Variants in MBTPS1 observed in about 807,000 individuals in gnomAD.
MBTPS1 encodes membrane-bound transcription factor site-1 protease.
MBTPS1 carries 94 observed loss-of-function variants against 127.8 expected under a neutral mutation model. That is an observed-to-expected ratio of 0.74 (90% CI 0.62 to 0.87). The LOEUF (loss-of-function observed/expected upper bound fraction) is 0.87, where lower values mean the gene tolerates loss of function less well. MBTPS1 is among the 40% of genes least tolerant of loss of function. The pLI is 0.00. For synonymous variants in MBTPS1, 632 were observed against 509.4 expected (o/e 1.24, Z -3.24); for missense variants, 1,636 against 1,353.2 (o/e 1.21, Z -3.28).
chr16:84,089,274 G>GT (rs1392863985), intron 8 of MBTPS1, among the ~76,000 whole-genome samples: 1 of 152,262 alleles, frequency 6.6e-6, no homozygotes, highest in Non-Finnish European at 1.5e-5. Flanking sequence ...GCCCACACCT[G>GT]TTTTTGCAAA....
intron 11 of MBTPS1, among the ~76,000 whole-genome samples, chr16:84,076,762 C>T (rs1046664979): frequency 1.3e-5 from 2 of 152,132 alleles, no homozygotes; most frequent in Non-Finnish European, 2.9e-5. Context: ...CACACAAGAG[C>T]AAATGGAAAC....
At chr16:84,077,364 T>C (rs1012936096) in intron 11 of MBTPS1, among the ~76,000 whole-genome samples, 3 of 151,576 alleles carry the variant, frequency 2.0e-5, no homozygotes, top group Admixed American at 6.6e-5. Context: ...AAAGTCTTTA[T>C]AATCAAAACA....
In MBTPS1 at chr16:84,099,139, G is replaced by A. The variant is rs377692604; in HGVS notation, c.335C>T (p.Ala112Val). Residue 112 changes from alanine (A) to valine (V), a missense_variant, in exon 3 of 23, where the codon GCG (alanine) becomes GTG (valine). Ala to Val is a moderately conservative substitution (Grantham distance 64). Transcript: ENST00000343411. ...EVIQIKEKQK[A>V]GLLTLEDHPN... The stretch of plus-strand genomic sequence containing the variant: ...ATGATCTTCAAGTGTTAGCAGCCCC[G>A]CTTTCTGTTTTTCTTTTATCTGAAT... The A allele has an allele frequency of 1.2e-5, 20 of 1,614,052 alleles. No individual in the cohort carries two copies. Among genetic ancestry groups the A allele is most frequent in the Admixed American group, 6.7e-5 (4 of 60,010 alleles).
At chr16:84,076,700 C>T (rs1416543849) in intron 11 of MBTPS1, among the ~76,000 whole-genome samples, 1 of 152,158 alleles carries the variant, frequency 6.6e-6, no homozygotes, top group Admixed American at 6.5e-5. Flanking sequence ...CTTAAACTTA[C>T]CAAGAAATGT....
At chr16:84,095,491 AG>A in intron 4 of MBTPS1, 110 bp downstream of exon 4, 1 of 1,162,774 alleles carries the variant, frequency 8.6e-7, no homozygotes, top group Non-Finnish European at 1.3e-6. Flanking sequence ...CTTTAGCACT[AG>A]GCAGTCCCGA....
In MBTPS1 at chr16:84,069,860, G is replaced by A. The variant is rs2085744469; in HGVS notation, c.1955+6C>T. ...GGAGGTGAAGTGCATCCTGTGAGGT[G>A]CTTACCAGTCTAAAGGGTCATTCTT... On this transcript the variant is annotated splice_donor_region_variant and intron_variant, in intron 14 of 22. Coordinates refer to ENST00000343411, the MANE Select transcript of MBTPS1 (RefSeq NM_003791.4). The A allele has an allele frequency of 1.2e-6, 2 of 1,612,028 alleles. No individual in the cohort carries two copies. Among genetic ancestry groups the A allele is most frequent in the Non-Finnish European group, 1.7e-6 (2 of 1,179,280 alleles).
At chr16:84,058,720 G>A (rs936424795) in intron 21 of MBTPS1, among the ~76,000 whole-genome samples, 13 of 152,184 alleles carry the variant, frequency 8.5e-5, no homozygotes, top group Non-Finnish European at 1.8e-4. Context: ...GAAAGGAAAC[G>A]ATGCAAATGA....
intron 2 of MBTPS1, 111 bp downstream of exon 2, chr16:84,101,510 A>C (rs2086254988): frequency 9.9e-7 from 1 of 1,013,854 alleles, no homozygotes; most frequent in East Asian, 2.7e-5. Context: ...AAAAAGAAAG[A>C]AATTTACTGT....
At chr16:84,089,909 A>C (rs578171209) in intron 8 of MBTPS1, among the ~76,000 whole-genome samples, 1 of 152,344 alleles carries the variant, frequency 6.6e-6, no homozygotes, top group South Asian at 2.1e-4. Context: ...GAGATGACTT[A>C]ATAACTGGTG....
chr16:84,090,975 C>A (rs774920028), intron 7 of MBTPS1, 33 bp from the exon 8 acceptor site: 3 of 1,356,156 alleles, frequency 2.2e-6, no homozygotes, highest in Admixed American at 1.8e-5. Context: ...ATGAAAGTAT[C>A]CCTTTCATTA....
intron 2 of MBTPS1, among the ~76,000 whole-genome samples, chr16:84,101,181 T>C (rs2086249493): frequency 6.6e-6 from 1 of 151,404 alleles, no homozygotes; most frequent in East Asian, 1.9e-4. Context: ...GTGCCTGTAG[T>C]CCCAGCTGCT....
intron 1 of MBTPS1, among the ~76,000 whole-genome samples, chr16:84,104,126 C>T (rs1307114498): frequency 1.3e-5 from 2 of 151,976 alleles, no homozygotes; most frequent in African/African-American, 4.8e-5. Flanking sequence ...AGACTACTGG[C>T]CGAAGAAGAT....
intron 11 of MBTPS1, among the ~76,000 whole-genome samples, chr16:84,080,454 A>G (rs748734295): frequency 6.6e-6 from 1 of 152,246 alleles, no homozygotes. Flanking sequence ...CAAAGGAAAC[A>G]CGGGCTGCAC....
chr16:84,057,525 C>T (rs925421752), intron 21 of MBTPS1: 1 of 152,248 alleles, frequency 6.6e-6, no homozygotes, highest in African/African-American at 2.4e-5. Flanking sequence ...GACGCTGACA[C>T]TTCCACAGCT....
intron 11 of MBTPS1, among the ~76,000 whole-genome samples, chr16:84,077,159 A>T (rs1024074389): frequency 4.0e-5 from 6 of 149,208 alleles, no homozygotes; most frequent in Non-Finnish European, 5.9e-5. Context: ...CAGATGGCAG[A>T]GGTTACAGTG....
intron 21 of MBTPS1, among the ~76,000 whole-genome samples, chr16:84,058,271 G>T (rs1407501663): frequency 2.0e-5 from 3 of 152,358 alleles, no homozygotes; most frequent in Admixed American, 6.5e-5. Flanking sequence ...AGTAAAGGCG[G>T]AAGGCAGCCT....
At chr16:84,056,197 C>T (rs1411572403) in intron 21 of MBTPS1, 62 bp from the exon 22 acceptor site, 2 of 1,406,454 alleles carry the variant, frequency 1.4e-6, no homozygotes, top group African/African-American at 2.8e-5. Flanking sequence ...AGGTACTAGT[C>T]TAGGAAGTTC....
intron 20 of MBTPS1, 94 bp downstream of exon 20, chr16:84,060,588 C>A: frequency 7.0e-7 from 1 of 1,434,602 alleles, no homozygotes. Flanking sequence ...CACAAACTGG[C>A]CCCACTTGCT....
At chr16:84,116,646 C>T (rs1203194782) in intron 1 of MBTPS1, 89 bp downstream of exon 1, 2 of 152,060 alleles carry the variant, frequency 1.3e-5, no homozygotes, top group Admixed American at 6.6e-5. Flanking sequence ...CGCCTCGGGG[C>T]CTCGGACGCA....
Sources: gnomAD v4.1 joint callset for allele counts (sites outside exome capture counted in the v4.1 genomes callset) on GRCh38, gnomAD v4.1.1 for gene constraint, MANE v1.5 for transcripts, NCBI Gene and HGNC (gene_info 2026-07-23, HGNC 2026-07-21) for gene names.